Variants in TENT5C observed in about 807,000 individuals in gnomAD.
TENT5C encodes the protein family with sequence similarity 46 member C.
In TENT5C, 5 loss-of-function variants were observed where a neutral mutation model predicts 22.2. That is an observed-to-expected ratio of 0.22 (90% CI 0.12 to 0.47). The LOEUF (loss-of-function observed/expected upper bound fraction) is 0.47, where lower values mean the gene tolerates loss of function less well. TENT5C is among the 20% of genes least tolerant of loss of function. TENT5C has a pLI of 0.99. For missense variants in TENT5C, 364 were observed against 500.9 expected (o/e 0.73, Z 2.61); for synonymous variants, 199 against 195.4 (o/e 1.02, Z -0.15).
chr1:117,618,277 G>A (rs1211731133), intron 1 of TENT5C, among the ~76,000 whole-genome samples: 4 of 152,048 alleles, frequency 2.6e-5, no homozygotes, highest in Non-Finnish European at 5.9e-5. Flanking sequence ...AGTATCACAA[G>A]GGTAGCTACA....
In TENT5C at chr1:117,625,348, A is replaced by G. The variant is rs1653985484; in HGVS notation, c.*1304A>G. On this transcript the variant is annotated 3_prime_UTR_variant, in exon 2 of 2. Coordinates refer to ENST00000369448, the MANE Select transcript of TENT5C (RefSeq NM_017709.4). ...TTTGGGAAGAATTGAGTGAATGAGAATGCTCTTCCTTATTCTGGTAGATTT... is the reference window on the plus strand; with the variant it reads ...TTTGGGAAGAATTGAGTGAATGAGAGTGCTCTTCCTTATTCTGGTAGATTT... 3 of 248,188 alleles carry G rather than the reference A, an allele frequency of 1.2e-5. No homozygotes were observed. Among genetic ancestry groups the G allele is most frequent in the South Asian group, 3.6e-4 (2 of 5,532 alleles). The allele number at this position is 248,188 out of a possible 1,614,324, so 15.4% of individuals were successfully genotyped here.
Position 117,626,190 on chromosome 1 carries a change from G to C in TENT5C, c.*2146G>C, listed in dbSNP as rs1654007851. 4.0e-6 allele frequency: 1 copy of C among 247,746 alleles called. No individual in the cohort carries two copies. The highest frequency in any genetic ancestry group is 2.2e-5 in the African/African-American group (1 of 45,282). 15.3% of individuals were successfully genotyped at this position (247,746 alleles called of 1,614,324 possible). A position where few individuals can be genotyped will look rare whatever the true frequency, so the allele number is the denominator to read the frequency against. ...CAGAAATCAGTATTTCTTCTACTTA[G>C]AAGGCTTGGGGCCCAGGGTAATGAG... On this transcript the variant is annotated 3_prime_UTR_variant, in exon 2 of 2. Transcript: ENST00000369448.
rs1653928505 is a variant in TENT5C at position 117,622,938 on chromosome 1, C to T, written c.70C>T (p.Arg24Trp). 3 of 1,614,158 alleles carry T rather than the reference C, an allele frequency of 1.9e-6. No individual in the cohort carries two copies. The highest frequency in any genetic ancestry group is 8.5e-7 in the Non-Finnish European group (1 of 1,180,028). ...CGTGCTCAACTGGGATCAGGTTAGCCGGCTGCATGAGGTCCTCACTGAAGT... is the reference window on the plus strand; with the variant it reads ...CGTGCTCAACTGGGATCAGGTTAGCTGGCTGCATGAGGTCCTCACTGAAGT... ...FSVLNWDQVSRLHEVLTEVVP... is the reference protein window; with the variant it reads ...FSVLNWDQVSWLHEVLTEVVP... The change falls in exon 2 of 2, where the codon CGG becomes TGG. Residue 24 changes from arginine to tryptophan, a missense_variant. Around this residue, in one of 3 missense-constraint regions of TENT5C, gnomAD observed 303 missense variants for 394.5 expected, o/e 0.77. Coordinates refer to ENST00000369448, the MANE Select transcript of TENT5C (RefSeq NM_017709.4).
intron 1 of TENT5C, among the ~76,000 whole-genome samples, chr1:117,613,604 A>C (rs569114050): frequency 5.3e-5 from 8 of 152,318 alleles, no homozygotes; most frequent in African/African-American, 1.9e-4. Context: ...GAGGCCCCTT[A>C]AACAGCGGAG....
chr1:117,615,451 T>C (rs527646449), intron 1 of TENT5C, among the ~76,000 whole-genome samples: 1 of 152,348 alleles, frequency 6.6e-6, no homozygotes, highest in Admixed American at 6.5e-5. Flanking sequence ...TTATGGGTTG[T>C]TATAGAAATC....
Position 117,623,149 on chromosome 1 carries a change from T to C in TENT5C, c.281T>C (p.Ile94Thr), listed in dbSNP as rs1354348705. 1 of 1,614,184 alleles carries C rather than the reference T, an allele frequency of 6.2e-7. No homozygotes were observed. Among genetic ancestry groups the C allele is most frequent in the South Asian group, 1.1e-5 (1 of 91,078 alleles). ...TTGGGCTGCAAAGACCTGGACCTAA[T>C]CTTCCATGTGGCTCTTCCAACAGAG... The part of the protein sequence containing the change: ...NGLGCKDLDL[I>T]FHVALPTEAE... The change falls in exon 2 of 2, where the codon ATC becomes ACC. Residue 94 changes from isoleucine (I) to threonine (T), a missense_variant. By Grantham distance (89) the Ile-to-Thr change is moderately conservative. Coordinates refer to ENST00000369448, the MANE Select transcript of TENT5C (RefSeq NM_017709.4).
chr1:117,609,630 C>T (rs988623198), intron 1 of TENT5C, among the ~76,000 whole-genome samples: 2 of 152,210 alleles, frequency 1.3e-5, no homozygotes, highest in African/African-American at 4.8e-5. Flanking sequence ...TGGAAGAGCT[C>T]TGGATGCGAG....
chr1:117,619,482 AT>A (rs1327844901), intron 1 of TENT5C, among the ~76,000 whole-genome samples: 1 of 152,082 alleles, frequency 6.6e-6, no homozygotes, highest in East Asian at 1.9e-4. Context: ...ACTTTGCCTA[AT>A]GTTACAAATA....
At chr1:117,614,050 A>G (rs1653724521) in intron 1 of TENT5C, among the ~76,000 whole-genome samples, 1 of 152,200 alleles carries the variant, frequency 6.6e-6, no homozygotes, top group African/African-American at 2.4e-5. Flanking sequence ...CTGCTATTCC[A>G]TGTACATGAA....
At chr1:117,615,811 A>T (rs1653769471) in intron 1 of TENT5C, among the ~76,000 whole-genome samples, 1 of 152,178 alleles carries the variant, frequency 6.6e-6, no homozygotes, top group Non-Finnish European at 1.5e-5. Context: ...GCTTAACTGG[A>T]ATCTGCACAA....
At chr1:117,609,732 CTG>C (rs1437373160) in intron 1 of TENT5C, among the ~76,000 whole-genome samples, 1 of 152,254 alleles carries the variant, frequency 6.6e-6, no homozygotes, top group African/African-American at 2.4e-5. Context: ...AAAGCGGAAT[CTG>C]TGCTCACTGC....
chr1:117,618,287 A>G (rs1041874189), intron 1 of TENT5C, among the ~76,000 whole-genome samples: 5 of 152,170 alleles, frequency 3.3e-5, no homozygotes, highest in Non-Finnish European at 7.3e-5. Flanking sequence ...GGGTAGCTAC[A>G]TGTTTGAAAT....
chr1:117,606,861 C>T (rs932899499), intron 1 of TENT5C, among the ~76,000 whole-genome samples: 2 of 152,210 alleles, frequency 1.3e-5, no homozygotes, highest in South Asian at 2.1e-4. Context: ...GTGACTTGTG[C>T]GCTGCGCGTC....
chr1:117,614,908 G>A (rs924202685), intron 1 of TENT5C, among the ~76,000 whole-genome samples: 1 of 152,110 alleles, frequency 6.6e-6, no homozygotes, highest in African/African-American at 2.4e-5. Context: ...CCACTGTTCT[G>A]CAACGTAGCA....
chr1:117,614,621 G>T (rs1191182176), intron 1 of TENT5C, among the ~76,000 whole-genome samples: 2 of 152,146 alleles, frequency 1.3e-5, no homozygotes, highest in African/African-American at 2.4e-5. Flanking sequence ...ATCTGAGAAG[G>T]TTGCCGTCTC....
chr1:117,611,567 G>A (rs1653672132), intron 1 of TENT5C, among the ~76,000 whole-genome samples: 2 of 152,212 alleles, frequency 1.3e-5, no homozygotes, highest in Admixed American at 1.3e-4. Flanking sequence ...TTGGCCAGGG[G>A]CAGTGACTCA....
At position 117,623,570 on chromosome 1, in the gene TENT5C, G is replaced by C. The variant is rs1337416217; in HGVS notation, c.702G>C (p.Lys234Asn). Residue 234 changes from lysine (K) to asparagine (N), a missense_variant, in exon 2 of 2, where the codon AAG becomes AAC. Transcript: ENST00000369448. ...DHLQNRLIATKNPEEIRGGGL... is the reference protein window; with the variant it reads ...DHLQNRLIATNNPEEIRGGGL... Reference sequence around the variant, plus strand: ...TGCAGAACAGACTGATCGCCACCAAGAACCCAGAAGAAATCAGAGGCGGGG... The same window carrying C: ...TGCAGAACAGACTGATCGCCACCAACAACCCAGAAGAAATCAGAGGCGGGG... 1 of 1,613,846 alleles carries C rather than the reference G, an allele frequency of 6.2e-7. No individual in the cohort carries two copies. Among genetic ancestry groups the C allele is most frequent in the Admixed American group, 1.7e-5 (1 of 59,996 alleles).
rs1653976518 is a variant in TENT5C, at chr1:117,624,878, T to C, written c.*834T>C. 1 of 247,856 alleles carries C rather than the reference T, an allele frequency of 4.0e-6. No homozygotes were observed. The highest frequency in any genetic ancestry group is 2.2e-5 in the African/African-American group (1 of 45,350). The allele number at this position is 247,856 out of a possible 1,614,324, so 15.4% of individuals were successfully genotyped here. On this transcript the variant is annotated 3_prime_UTR_variant, in exon 2 of 2. Coordinates refer to ENST00000369448, the MANE Select transcript of TENT5C (RefSeq NM_017709.4). Reference sequence around the variant, plus strand: ...ATTTTTTTCTTTAAAGAATTCTTATTAAATGGCTCCCTGCCTTTTTTTTCT... The same window carrying C: ...ATTTTTTTCTTTAAAGAATTCTTATCAAATGGCTCCCTGCCTTTTTTTTCT...
chr1:117,622,733 T>G (rs1653920811), intron 1 of TENT5C, 109 bp from the exon 2 acceptor site: 1 of 733,578 alleles, frequency 1.4e-6, no homozygotes, highest in African/African-American at 1.8e-5. Flanking sequence ...AAGTGCTATT[T>G]ATCACCATTT....
Sources: gnomAD v4.1 joint callset for allele counts (sites outside exome capture counted in the v4.1 genomes callset) on GRCh38, gnomAD v4.1.1 for gene constraint, gnomAD v4.1.1 regional missense constraint, MANE v1.5 for transcripts, NCBI Gene and HGNC (gene_info 2026-07-23, HGNC 2026-07-21) for gene names.